Variants in DCPH1 observed in about 807,000 individuals in gnomAD.
DCPH1 encodes the protein damage control phosphatase 1.
chr6:151,469,852 T>C, the DCPH1 span: 1 of 152,224 alleles, frequency 6.6e-6, no homozygotes, highest in African/African-American at 2.4e-5. Context: ...CACATAAATG[T>C]TTTAAATATC....
chr6:151,454,895 A>G, the DCPH1 span, among the ~76,000 whole-genome samples: 3 of 152,222 alleles, frequency 2.0e-5, no homozygotes, highest in African/African-American at 4.8e-5. Flanking sequence ...TTTCTAATAT[A>G]TGCAATGTTG....
chr6:151,464,681 G>C, the DCPH1 span: 1 of 1,050,216 alleles, frequency 9.5e-7, no homozygotes, highest in South Asian at 1.9e-5. Flanking sequence ...CTGCTATACA[G>C]TTAACAAAAC....
the DCPH1 span, among the ~76,000 whole-genome samples, chr6:151,455,514 T>A: frequency 1.3e-5 from 2 of 152,254 alleles, no homozygotes; most frequent in Non-Finnish European, 2.9e-5. Flanking sequence ...GATTAAGTGC[T>A]GTGCTTTTAG....
At chr6:151,465,386 G>A in the DCPH1 span, among the ~76,000 whole-genome samples, 16,758 of 152,142 alleles carry the variant, frequency 0.11, 1,083 homozygotes, top group East Asian at 0.2. Flanking sequence ...GGAAAAGGGC[G>A]TTGGGAATGT....
chr6:151,469,880 T>G, the DCPH1 span: 4 of 152,186 alleles, frequency 2.6e-5, no homozygotes, highest in Non-Finnish European at 5.9e-5. Flanking sequence ...TAGTTTGCAG[T>G]TTTAGGAAAA....
chr6:151,466,622 A>G, the DCPH1 span, among the ~76,000 whole-genome samples: 1 of 152,162 alleles, frequency 6.6e-6, no homozygotes, highest in African/African-American at 2.4e-5. Context: ...CGACACACAC[A>G]TTTCTGGGGC....
the DCPH1 span, chr6:151,469,134 C>A: frequency 6.4e-7 from 1 of 1,566,838 alleles, no homozygotes; most frequent in Admixed American, 1.9e-5. Context: ...CTCTCAGTTG[C>A]ATAGAAAGAT....
chr6:151,469,309 GT>G, the DCPH1 span: 3 of 422,574 alleles, frequency 7.1e-6, no homozygotes, highest in Non-Finnish European at 1.2e-5. Context: ...GGATAGCTGG[GT>G]TAAGCAAGTT....
the DCPH1 span, chr6:151,458,186 A>C: frequency 9.3e-7 from 1 of 1,073,016 alleles, no homozygotes. Context: ...TCAGTTTAAG[A>C]GTTCTAAATG....
the DCPH1 span, chr6:151,452,719 G>C: frequency 1.0e-6 from 1 of 956,194 alleles, no homozygotes; most frequent in Non-Finnish European, 1.5e-6. Context: ...GGCTTTCCGG[G>C]GCGCCTTTGC....
chr6:151,464,843 G>C, the DCPH1 span, among the ~76,000 whole-genome samples: 17 of 152,266 alleles, frequency 1.1e-4, no homozygotes, highest in African/African-American at 3.9e-4. Flanking sequence ...TGACTTCCTA[G>C]CTTCTGTCAT....
At chr6:151,457,504 C>T in the DCPH1 span, among the ~76,000 whole-genome samples, 1 of 152,160 alleles carries the variant, frequency 6.6e-6, no homozygotes, top group Non-Finnish European at 1.5e-5. Flanking sequence ...CCTCTCAAAA[C>T]AGTCAGCTAC....
the DCPH1 span, among the ~76,000 whole-genome samples, chr6:151,455,480 C>T: frequency 5.3e-5 from 8 of 152,216 alleles, no homozygotes; most frequent in African/African-American, 1.9e-4. Flanking sequence ...GAACAAAGGT[C>T]TTTGCATCAT....
the DCPH1 span, chr6:151,452,525 C>A: frequency 6.2e-7 from 1 of 1,610,968 alleles, no homozygotes; most frequent in South Asian, 1.1e-5. Flanking sequence ...CCGAGCTTTG[C>A]GGCCGGGATC....
At chr6:151,453,007 C>CA in the DCPH1 span, among the ~76,000 whole-genome samples, 5 of 152,242 alleles carry the variant, frequency 3.3e-5, no homozygotes, top group Non-Finnish European at 7.3e-5. Flanking sequence ...TTATAGTCGT[C>CA]ACGCTACTGA....
the DCPH1 span, among the ~76,000 whole-genome samples, chr6:151,461,606 G>C: frequency 6.6e-6 from 1 of 152,210 alleles, no homozygotes; most frequent in Admixed American, 6.5e-5. Context: ...AGGAGGTGGA[G>C]GTTGCAGTGA....
At chr6:151,455,374 T>G in the DCPH1 span, among the ~76,000 whole-genome samples, 1 of 152,200 alleles carries the variant, frequency 6.6e-6, no homozygotes, top group African/African-American at 2.4e-5. Context: ...CTGAGTTCCC[T>G]TAGTATTTAT....
the DCPH1 span, among the ~76,000 whole-genome samples, chr6:151,467,233 A>G: frequency 6.6e-6 from 1 of 151,326 alleles, no homozygotes; most frequent in Non-Finnish European, 1.5e-5. Flanking sequence ...CCTCGGTGAC[A>G]GAGGAGACTC....
chr6:151,454,906 T>G, the DCPH1 span, among the ~76,000 whole-genome samples: 1 of 152,214 alleles, frequency 6.6e-6, no homozygotes, highest in Admixed American at 6.5e-5. Flanking sequence ...TGCAATGTTG[T>G]AATTGGTGAC....
Sources: gnomAD v4.1 joint callset for allele counts (sites outside exome capture counted in the v4.1 genomes callset) on GRCh38, gnomAD v4.1.1 for gene constraint, MANE v1.5 for transcripts, NCBI Gene and HGNC (gene_info 2026-07-23, HGNC 2026-07-21) for gene names.